Variants in VTCN1 observed in about 807,000 individuals in gnomAD.
VTCN1 encodes V-set domain-containing T-cell activation inhibitor 1.
Under a neutral mutation model 26.5 loss-of-function variants are expected in VTCN1, and 26 were observed. The observed-to-expected ratio is 0.98, with a 90% CI of 0.72 to 1.36. VTCN1 has a LOEUF of 1.36. Among genes scored for constraint, VTCN1 ranks in the 40% most tolerant of loss-of-function variants. VTCN1 has a pLI of 0.00. For missense variants in VTCN1, 298 were observed against 337.7 expected (o/e 0.88, Z 0.92); for synonymous variants, 116 against 130.7 (o/e 0.89, Z 0.77).
chr1:117,206,907 C>A (rs558761064), intron 1 of VTCN1, among the ~76,000 whole-genome samples: 55 of 152,298 alleles, frequency 3.6e-4, no homozygotes, highest in Admixed American at 5.9e-4. Context: ...TCTCATTTTG[C>A]AGATTCCTGT....
intron 1 of VTCN1, among the ~76,000 whole-genome samples, chr1:117,184,481 A>T (rs1647835843): frequency 6.6e-6 from 1 of 152,204 alleles, no homozygotes; most frequent in African/African-American, 2.4e-5. Context: ...GAAAGAAGTG[A>T]CTTTAAGCAA....
intron 1 of VTCN1, among the ~76,000 whole-genome samples, chr1:117,196,820 G>A (rs945418748): frequency 6.6e-6 from 1 of 152,164 alleles, no homozygotes; most frequent in Admixed American, 6.6e-5. Flanking sequence ...TTCTTCATAA[G>A]TCAATACATG....
At chr1:117,166,526 G>A (rs922136753) in intron 2 of VTCN1, among the ~76,000 whole-genome samples, 8 of 151,742 alleles carry the variant, frequency 5.3e-5, no homozygotes, top group Admixed American at 4.6e-4. Flanking sequence ...AGGCCGAGGC[G>A]GGTGGATCAC....
In VTCN1 at chr1:117,146,005, A is replaced by T. The variant is rs945351645; in HGVS notation, c.*46-780T>A. On this transcript the variant is annotated intron_variant, in intron 5 of 5. Transcript: ENST00000369458. The surrounding 1 kb of genome is among the most constrained non-coding windows in gnomAD (Gnocchi z 4.2). ...TATGGTGCCAGGGAGAAAGAGGTGG[A>T]CTGCAGCTAACTGGGTAATTGTATA... is the stretch of plus-strand genomic sequence containing the variant. 2.0e-5 allele frequency among the ~76,000 whole-genome samples: 3 copies of T among 152,172 alleles called. No individual in the cohort carries two copies. The highest frequency in any genetic ancestry group is 2.1e-4 in the South Asian group (1 of 4,822).
In VTCN1 at chr1:117,147,706, G is replaced by A. The variant is rs369356108; in HGVS notation, c.801C>T (p.Ala267=). 6.9e-5 allele frequency: 112 copies of A among 1,613,886 alleles called. No homozygotes were observed. Among genetic ancestry groups the A allele is most frequent in the African/African-American group, 9.3e-5 (7 of 74,898 alleles). Residue 267 remains alanine (A), a synonymous_variant, in exon 5 of 6, where the codon GCC becomes GCT. Transcript: ENST00000369458. The surrounding 1 kb of genome is among the most constrained non-coding windows in gnomAD (Gnocchi z 4.6). ...KASLCVSSFF[A]ISWALLPLSP... is the part of the protein sequence containing the mutation. ...TGAGAGGCAGAAGTGCCCAGCTGATGGCAAAGAAAGAAGAGACACACAGAG... is the reference window on the plus strand; with the variant it reads ...TGAGAGGCAGAAGTGCCCAGCTGATAGCAAAGAAAGAAGAGACACACAGAG...
chr1:117,208,244 C>T (rs967252456), intron 1 of VTCN1, among the ~76,000 whole-genome samples: 1 of 152,192 alleles, frequency 6.6e-6, no homozygotes, highest in African/African-American at 2.4e-5. Flanking sequence ...ACACCATGCT[C>T]ATTCATGAGT....
At chr1:117,199,477 C>T (rs556362533) in intron 1 of VTCN1, among the ~76,000 whole-genome samples, 1 of 152,122 alleles carries the variant, frequency 6.6e-6, no homozygotes. Context: ...AGATGCCCAC[C>T]ACCACGTCCA....
intron 4 of VTCN1, among the ~76,000 whole-genome samples, chr1:117,152,681 G>C (rs1055274386): frequency 4.6e-5 from 7 of 151,378 alleles, no homozygotes; most frequent in Admixed American, 4.6e-4. Context: ...TCAAAGGCAG[G>C]GTGGAAGCAA....
In VTCN1 at chr1:117,170,503, C is replaced by T. The variant is rs1037593574; in HGVS notation, c.33-332G>A. Reference sequence around the variant, plus strand: ...AACATTTCTTTAATGCCAGGTGCCACTTGAGAAGGACTGGTCCTGTTCCCA... The same window carrying T: ...AACATTTCTTTAATGCCAGGTGCCATTTGAGAAGGACTGGTCCTGTTCCCA... On this transcript the variant is annotated intron_variant, in intron 1 of 5. Transcript: ENST00000369458. 2.0e-5 allele frequency among the ~76,000 whole-genome samples: 3 copies of T among 152,272 alleles called. 1 individual carries two copies. The highest frequency in any genetic ancestry group is 3.4e-3 in the Middle Eastern group (1 of 294).
chr1:117,163,327 T>A (rs564576125), intron 2 of VTCN1, among the ~76,000 whole-genome samples: 6 of 152,340 alleles, frequency 3.9e-5, no homozygotes, highest in African/African-American at 1.4e-4. Context: ...TATTTCACCA[T>A]TTTTTAAAAT....
At chr1:117,182,509 G>A (rs970196036) in intron 1 of VTCN1, among the ~76,000 whole-genome samples, 7 of 152,100 alleles carry the variant, frequency 4.6e-5, no homozygotes, top group Non-Finnish European at 8.8e-5. Context: ...CAGCCCCTGC[G>A]GCTGCTCTGG....
At chr1:117,162,138 T>C (rs897625303) in intron 2 of VTCN1, among the ~76,000 whole-genome samples, 1 of 152,118 alleles carries the variant, frequency 6.6e-6, no homozygotes, top group Admixed American at 6.6e-5. Flanking sequence ...ATGAGTGTAA[T>C]GTTGATTAAA....
chr1:117,203,773 G>A (rs746022613), intron 1 of VTCN1: 40 of 985,296 alleles, frequency 4.1e-5, no homozygotes, highest in Non-Finnish European at 4.8e-5. Context: ...AGGAATCAGG[G>A]AGCACAGAGC....
Position 117,175,218 on chromosome 1 carries a change from G to A in VTCN1, c.33-5047C>T, listed in dbSNP as rs972385936. Among the ~76,000 whole-genome samples, 6 of 152,200 alleles carry A rather than the reference G, an allele frequency of 3.9e-5. No homozygotes were observed. The highest frequency in any genetic ancestry group is 1.4e-4 in the African/African-American group (6 of 41,442). On this transcript the variant is annotated intron_variant, in intron 1 of 5. Coordinates refer to ENST00000369458, the MANE Select transcript of VTCN1 (RefSeq NM_024626.4). The surrounding 1 kb of genome is among the most constrained non-coding windows in gnomAD (Gnocchi z 4.2). ...GGGAAAATAGGCTTAAAGGCAGAGC[G>A]CTCGAAACCTATGCGACTTTGTAAT...
chr1:117,208,613 A>G (rs986758193), intron 1 of VTCN1, among the ~76,000 whole-genome samples: 3 of 152,030 alleles, frequency 2.0e-5, no homozygotes, highest in Non-Finnish European at 2.9e-5. Context: ...AGGGTTTTCT[A>G]CCCCTGTCCT....
At chr1:117,165,785 C>T (rs150303658) in intron 2 of VTCN1, among the ~76,000 whole-genome samples, 40 of 152,310 alleles carry the variant, frequency 2.6e-4, no homozygotes, top group African/African-American at 9.1e-4. Flanking sequence ...GCAAGAACGG[C>T]CTAATACATA....
intron 1 of VTCN1, among the ~76,000 whole-genome samples, chr1:117,176,834 C>T (rs559809885): frequency 1.3e-5 from 2 of 152,266 alleles, no homozygotes; most frequent in South Asian, 2.1e-4. Flanking sequence ...TGTGGTGGCT[C>T]ATGCTTGTAA....
intron 1 of VTCN1, among the ~76,000 whole-genome samples, chr1:117,173,586 CT>C (rs1163354740): frequency 3.3e-5 from 5 of 152,220 alleles, no homozygotes; most frequent in Non-Finnish European, 5.9e-5. Context: ...TCTAAGCCAC[CT>C]GGTTTTCAGT....
intron 1 of VTCN1, among the ~76,000 whole-genome samples, chr1:117,186,919 G>T (rs1389577061): frequency 6.6e-6 from 1 of 151,974 alleles, no homozygotes; most frequent in East Asian, 1.9e-4. Context: ...AATTCCTTAG[G>T]GCAGATTCAG....
Sources: allele counts gnomAD v4.1 joint callset (sites outside exome capture counted in the v4.1 genomes callset), GRCh38; gene constraint gnomAD v4.1.1; non-coding constraint Gnocchi (gnomAD v3.1); transcripts MANE v1.5; gene names NCBI Gene and HGNC (gene_info 2026-07-23, HGNC 2026-07-21).